The following KATNA1 variants were observed in gnomAD, a reference collection of about 807,000 sequenced individuals.
KATNA1 encodes the protein katanin p60 ATPase-containing subunit A1.
KATNA1 carries 42 observed loss-of-function variants against 62.6 expected under a neutral mutation model. The observed-to-expected ratio is 0.67, with a 90% CI of 0.52 to 0.87. The LOEUF (loss-of-function observed/expected upper bound fraction) is 0.87. Among genes scored for constraint, KATNA1 ranks in the 40% least tolerant of loss-of-function variants. The probability of loss-of-function intolerance (pLI) is 0.00; values close to 1 mark genes in which losing one functional copy is unlikely to be tolerated. For synonymous variants in KATNA1, 186 were observed against 201.9 expected, an observed-to-expected ratio of 0.92 and a Z score of 0.67; for missense variants, 498 against 612.5, an observed-to-expected ratio of 0.81 and a Z score of 1.97.
At chr6:149,618,037 C>T (rs1302200132) in intron 4 of KATNA1, among the ~76,000 whole-genome samples, 1 of 148,170 alleles carries the variant, frequency 6.7e-6, no homozygotes, top group African/African-American at 2.5e-5. Flanking sequence ...TGCCTGTAGT[C>T]CCAGCTACTC....
chr6:149,624,277 T>C (rs749395467), intron 3 of KATNA1, among the ~76,000 whole-genome samples: 6 of 152,172 alleles, frequency 3.9e-5, no homozygotes, highest in Non-Finnish European at 5.9e-5. Flanking sequence ...ACCATAATTT[T>C]TGTGTTTTAA....
intron 2 of KATNA1, among the ~76,000 whole-genome samples, chr6:149,636,073 A>G (rs1780056040): frequency 6.6e-6 from 1 of 152,084 alleles, no homozygotes; most frequent in Admixed American, 6.6e-5. Flanking sequence ...AACAAACCAG[A>G]AAATGGTAAA....
At chr6:149,637,961 A>T (rs1407309744) in intron 2 of KATNA1, among the ~76,000 whole-genome samples, 4 of 152,160 alleles carry the variant, frequency 2.6e-5, no homozygotes, top group African/African-American at 9.7e-5. Flanking sequence ...GTAATAACTC[A>T]CATACTCATG....
chr6:149,606,712 C>T (rs556916551), intron 4 of KATNA1, among the ~76,000 whole-genome samples: 1 of 151,550 alleles, frequency 6.6e-6, no homozygotes, highest in African/African-American at 2.4e-5. Flanking sequence ...TCTGCTTCCC[C>T]GGTTCAAGCA....
chr6:149,630,380 A>G (rs1289299080), intron 3 of KATNA1, among the ~76,000 whole-genome samples: 3 of 152,196 alleles, frequency 2.0e-5, no homozygotes, highest in African/African-American at 7.2e-5. Context: ...TATAATCCCA[A>G]CATTTTGGGA....
At chr6:149,597,704 A>C (rs1013307347) in intron 8 of KATNA1, 63 bp from the exon 9 acceptor site, 292 of 1,473,334 alleles carry the variant, frequency 2.0e-4, no homozygotes, top group Non-Finnish European at 2.5e-4. Flanking sequence ...AATGAAGCTC[A>C]GCTATTTAAA....
At chr6:149,624,863 G>C (rs188655722) in intron 3 of KATNA1, among the ~76,000 whole-genome samples, 5 of 150,466 alleles carry the variant, frequency 3.3e-5, no homozygotes, top group African/African-American at 4.9e-5. Flanking sequence ...AGCTAGGCAC[G>C]TATACTAGAT....
intron 4 of KATNA1, among the ~76,000 whole-genome samples, chr6:149,605,297 T>C (rs920669012): frequency 6.6e-6 from 1 of 152,022 alleles, no homozygotes; most frequent in African/African-American, 2.4e-5. Context: ...AAAATGACCA[T>C]GCAAATGAAC....
intron 4 of KATNA1, among the ~76,000 whole-genome samples, chr6:149,616,007 A>G (rs1011769284): frequency 3.2e-4 from 49 of 152,190 alleles, no homozygotes; most frequent in Admixed American, 1.3e-4. Context: ...ATCCACTTAC[A>G]TAAGTAGCCG....
At chr6:149,638,898 G>A (rs1041651060) in intron 1 of KATNA1, among the ~76,000 whole-genome samples, 2 of 151,638 alleles carry the variant, frequency 1.3e-5, no homozygotes, top group African/African-American at 4.8e-5. Context: ...CGCCATGCCC[G>A]GCTAATTTTT....
chr6:149,644,156 C>G (rs1273080725), intron 1 of KATNA1, among the ~76,000 whole-genome samples: 1 of 152,050 alleles, frequency 6.6e-6, no homozygotes, highest in Admixed American at 6.6e-5. Context: ...GACACCTAGT[C>G]TGGGCAAGGG....
At chr6:149,640,922 G>A (rs1780258372) in intron 1 of KATNA1, among the ~76,000 whole-genome samples, 1 of 152,010 alleles carries the variant, frequency 6.6e-6, no homozygotes, top group Non-Finnish European at 1.5e-5. Context: ...CCAGGCTGGA[G>A]TGCAATGGTG....
At chr6:149,632,021 T>C (rs1324420259) in intron 3 of KATNA1, among the ~76,000 whole-genome samples, 2 of 152,210 alleles carry the variant, frequency 1.3e-5, no homozygotes, top group Non-Finnish European at 2.9e-5. Context: ...TTTTTCATTA[T>C]AGCTTGATGA....
intron 3 of KATNA1, among the ~76,000 whole-genome samples, chr6:149,630,121 T>C (rs1187524729): frequency 1.3e-5 from 2 of 152,222 alleles, no homozygotes; most frequent in Admixed American, 6.5e-5. Context: ...GGAAACAAGC[T>C]AGGATGACTA....
intron 3 of KATNA1, among the ~76,000 whole-genome samples, chr6:149,628,264 A>ATTTTTT (rs554916406): frequency 1.5e-5 from 2 of 129,582 alleles, no homozygotes; most frequent in African/African-American, 2.9e-5. Flanking sequence ...TGCCCGGCTA[A>ATTTTTT]TTTTTTTTTT....
chr6:149,619,671 T>C (rs1324151279), intron 4 of KATNA1, among the ~76,000 whole-genome samples: 4 of 151,888 alleles, frequency 2.6e-5, no homozygotes, highest in Non-Finnish European at 5.9e-5. Flanking sequence ...AAAGAATTCA[T>C]ATACAAAGTT....
intron 1 of KATNA1, among the ~76,000 whole-genome samples, chr6:149,646,200 T>C (rs967329552): frequency 1.4e-4 from 21 of 152,160 alleles, no homozygotes; most frequent in African/African-American, 4.8e-4. Flanking sequence ...TTGAAATCCT[T>C]GAAGTTTAAT....
intron 3 of KATNA1, among the ~76,000 whole-genome samples, chr6:149,629,303 A>G (rs1779746504): frequency 1.3e-5 from 2 of 152,132 alleles, no homozygotes; most frequent in Non-Finnish European, 2.9e-5. Context: ...ATTAGGAGTA[A>G]GGAAGTAAGT....
intron 2 of KATNA1, 99 bp downstream of exon 2, chr6:149,638,287 C>T (rs973731166): frequency 8.8e-7 from 1 of 1,132,246 alleles, no homozygotes; most frequent in Non-Finnish European, 1.3e-6. Context: ...GGTAGTCATA[C>T]AGTCTTAACA....
Sources: gnomAD v4.1 joint callset for allele counts (sites outside exome capture counted in the v4.1 genomes callset) on GRCh38, gnomAD v4.1.1 for gene constraint, MANE v1.5 for transcripts, NCBI Gene and HGNC (gene_info 2026-07-23, HGNC 2026-07-21) for gene names.